TNR: variants seen among roughly 807,000 people sequenced by gnomAD.
TNR encodes tenascin R, also known as tenascin-R.
Under a neutral mutation model 150.4 loss-of-function variants are expected in TNR, and 45 were observed. The observed-to-expected ratio is 0.30, with a 90% CI of 0.24 to 0.38. The LOEUF is 0.38. Among genes scored for constraint, TNR ranks in the 10% least tolerant of loss-of-function variants. The probability of loss-of-function intolerance (pLI) is 1.00; values close to 1 mark genes in which losing one functional copy is unlikely to be tolerated. For synonymous variants in TNR, 687 were observed against 678.4 expected (o/e 1.01, Z -0.20); for missense variants, 1,544 against 1,759.1 (o/e 0.88, Z 2.19).
intron 1 of TNR, among the ~76,000 whole-genome samples, chr1:175,684,039 T>A (rs968380170): frequency 2.6e-5 from 4 of 152,162 alleles, no homozygotes; most frequent in African/African-American, 9.7e-5. Context: ...AGGTGCAGAC[T>A]TCCTATGGAC....
At chr1:175,595,666 G>A (rs1253086555) in intron 1 of TNR, among the ~76,000 whole-genome samples, 1 of 152,148 alleles carries the variant, frequency 6.6e-6, no homozygotes, top group South Asian at 2.1e-4. Flanking sequence ...TAAATTACCA[G>A]ACTGAATTGG....
In TNR at chr1:175,386,365, C is replaced by G; in HGVS notation, c.1508-64G>C. On this transcript the variant is annotated intron_variant, in intron 7 of 22. Coordinates refer to ENST00000367674, the MANE Select transcript of TNR (RefSeq NM_003285.3). ...GAGAAATAAGCCTTGGGTGTCAGCTCTCTCTTTTCCTCCTTATGGAAGTCT... is the reference window on the plus strand; with the variant it reads ...GAGAAATAAGCCTTGGGTGTCAGCTGTCTCTTTTCCTCCTTATGGAAGTCT... 3 of 1,459,784 alleles carry G rather than the reference C, an allele frequency of 2.1e-6. No individual in the cohort carries two copies. In the Admixed American group the frequency reaches 7.7e-5, roughly 37 times the overall value. The allele number at this position is 1,459,784 out of a possible 1,614,324, so 90.4% of individuals were successfully genotyped here.
chr1:175,397,954 T>G (rs774970125), intron 4 of TNR, among the ~76,000 whole-genome samples: 5 of 152,250 alleles, frequency 3.3e-5, no homozygotes, highest in Non-Finnish European at 7.3e-5. Flanking sequence ...AGCCGATATT[T>G]AAATGGTCAT....
intron 1 of TNR, among the ~76,000 whole-genome samples, chr1:175,624,827 C>A (rs1664094961): frequency 6.6e-6 from 1 of 152,128 alleles, no homozygotes; most frequent in African/African-American, 2.4e-5. Flanking sequence ...GAGCAACGTG[C>A]AGAGAAGATA....
At chr1:175,561,350 C>T (rs1194534679) in intron 1 of TNR, among the ~76,000 whole-genome samples, 2 of 152,208 alleles carry the variant, frequency 1.3e-5, no homozygotes, top group East Asian at 3.9e-4. Context: ...GATAATGGGG[C>T]CCAATATTCA....
chr1:175,624,150 C>A (rs1488316594), intron 1 of TNR, among the ~76,000 whole-genome samples: 1 of 152,194 alleles, frequency 6.6e-6, no homozygotes, highest in East Asian at 1.9e-4. Flanking sequence ...CCACCAATTG[C>A]TTCTCCTCTC....
chr1:175,335,696 A>G lies in TNR; in HGVS notation c.3631+15T>C. 2 of 1,610,124 alleles carry G rather than the reference A, an allele frequency of 1.2e-6. No homozygotes were observed. Among genetic ancestry groups the G allele is most frequent in the Non-Finnish European group, 1.7e-6 (2 of 1,178,122 alleles). ...CAGAGAAGCACATCAATGGAAAGCA[A>G]TAAGGAGGCTTTACCCAGCCAGAAC... On this transcript the variant is annotated intron_variant, in intron 20 of 22. Transcript: ENST00000367674.
intron 20 of TNR, among the ~76,000 whole-genome samples, chr1:175,331,066 T>TTTCTTTCCTTC (rs1557867901): frequency 1.7e-4 from 17 of 99,908 alleles, no homozygotes; most frequent in Non-Finnish European, 3.1e-4. Flanking sequence ...TCTTTCTTTC[T>TTTCTTTCCTTC]TTCTTTCTTT....
rs1667989026 is a variant in TNR at position 175,743,544 on chromosome 1, C to T, written c.-483G>A. ...CACTCTCCCTGGGTCTGCCCGTCTC[C>T]TCTGGGTGTTGAGCCAACAGCCTTA... On this transcript the variant is annotated 5_prime_UTR_variant, in exon 1 of 23. Transcript: ENST00000367674. 6.6e-6 allele frequency: 1 copy of T among 152,232 alleles called. No homozygotes were observed. The highest frequency in any genetic ancestry group is 6.5e-5 in the Admixed American group (1 of 15,280). The allele number at this position is 152,232 out of a possible 1,614,324, so 9.4% of individuals were successfully genotyped here.
chr1:175,621,407 C>T (rs187052177), intron 1 of TNR, among the ~76,000 whole-genome samples: 1 of 152,266 alleles, frequency 6.6e-6, no homozygotes, highest in African/African-American at 2.4e-5. Flanking sequence ...GGATCTGACA[C>T]CCCCACCACA....
At chr1:175,446,996 G>A (rs1056094680) in intron 2 of TNR, among the ~76,000 whole-genome samples, 5 of 152,212 alleles carry the variant, frequency 3.3e-5, no homozygotes, top group Non-Finnish European at 5.9e-5. Flanking sequence ...ATGGGCATAT[G>A]TGTTATGTTT....
At chr1:175,547,351 C>T (rs985072210) in intron 1 of TNR, among the ~76,000 whole-genome samples, 7 of 152,296 alleles carry the variant, frequency 4.6e-5, no homozygotes, top group South Asian at 2.1e-4. Context: ...ATAACTTCAA[C>T]CCCTTCCCCA....
intron 1 of TNR, among the ~76,000 whole-genome samples, chr1:175,589,116 A>G (rs570062961): frequency 1.8e-4 from 28 of 152,118 alleles, no homozygotes; most frequent in Non-Finnish European, 2.1e-4. Context: ...TTGACCAACT[A>G]GGATTGAGGA....
chr1:175,354,659 C>A, intron 17 of TNR, 136 bp from the exon 18 acceptor site: 1 of 1,169,000 alleles, frequency 8.6e-7, no homozygotes, highest in African/African-American at 1.5e-5. Flanking sequence ...CTCCATCCCA[C>A]AATAAGGATT....
Position 175,403,307 on chromosome 1 carries a change from C to A in TNR, c.809G>T (p.Cys270Phe), listed in dbSNP as rs1653803222. ...GTTGGCACATCTCCCCTTCCCCGAACAGTCCCCAGGGCACCTCAGTTCCCT... is the reference window on the plus strand; with the variant it reads ...GTTGGCACATCTCCCCTTCCCCGAAAAGTCCCCAGGGCACCTCAGTTCCCT... ...DCRELRCPGD[C>F]SGKGRCANGT... Residue 270 changes from cysteine (C) to phenylalanine (F), a missense_variant, in exon 4 of 23, where the codon TGT (cysteine) becomes TTT (phenylalanine). By Grantham distance (205) the Cys-to-Phe change is radical. Transcript: ENST00000367674. 1.9e-6 allele frequency: 3 copies of A among 1,614,084 alleles called. No homozygotes were observed. Among genetic ancestry groups the A allele is most frequent in the Non-Finnish European group, 2.5e-6 (3 of 1,180,034 alleles).
At chr1:175,450,823 A>T (rs1438005369) in intron 2 of TNR, among the ~76,000 whole-genome samples, 5 of 152,226 alleles carry the variant, frequency 3.3e-5, no homozygotes, top group Admixed American at 2.6e-4. Context: ...AACCATCTGC[A>T]GCACTGGGGT....
intron 1 of TNR, among the ~76,000 whole-genome samples, chr1:175,589,534 T>C (rs1662711700): frequency 6.6e-6 from 1 of 152,260 alleles, no homozygotes; most frequent in South Asian, 2.1e-4. Context: ...CAAAAATTAA[T>C]GCAAAAAGTA....
chr1:175,341,396 C>T (rs1026621566), intron 18 of TNR, among the ~76,000 whole-genome samples: 3 of 152,144 alleles, frequency 2.0e-5, no homozygotes, highest in Non-Finnish European at 4.4e-5. Context: ...AAGAGAAAAG[C>T]CACAACAAGT....
chr1:175,602,568 C>T (rs372149078), intron 1 of TNR, among the ~76,000 whole-genome samples: 31 of 152,334 alleles, frequency 2.0e-4, no homozygotes, highest in African/African-American at 5.3e-4. Flanking sequence ...CTTGAATTTA[C>T]GGACACTGCA....
Sources: allele counts gnomAD v4.1 joint callset (sites outside exome capture counted in the v4.1 genomes callset), GRCh38; gene constraint gnomAD v4.1.1; transcripts MANE v1.5; gene names NCBI Gene and HGNC (gene_info 2026-07-23, HGNC 2026-07-21).